The following RIC1 variants were observed in gnomAD, a reference collection of about 807,000 sequenced individuals.
RIC1 encodes RIC1 partner of RAB6A GEF complex.
In RIC1, 88 loss-of-function variants were observed where a neutral mutation model predicts 169.0. The ratio of observed to expected loss-of-function variants is 0.52; its 90% confidence interval spans 0.44 to 0.62. The LOEUF (loss-of-function observed/expected upper bound fraction) is 0.62, where lower values mean the gene tolerates loss of function less well. Ranked by LOEUF, RIC1 falls within the 20% of genes least tolerant of loss-of-function variation. The probability of loss-of-function intolerance (pLI) is 0.00; values close to 1 mark genes in which losing one functional copy is unlikely to be tolerated. For synonymous variants in RIC1, 790 were observed against 601.5 expected, an observed-to-expected ratio of 1.31 and a Z score of -4.59; for missense variants, 1,877 against 1,725.5, an observed-to-expected ratio of 1.09 and a Z score of -1.56.
intron 6 of RIC1, among the ~76,000 whole-genome samples, chr9:5,725,445 TCTTTA>T (rs1352162491): frequency 6.6e-6 from 1 of 152,230 alleles, no homozygotes; most frequent in Non-Finnish European, 1.5e-5. Context: ...GATTCTTCTC[TCTTTA>T]CTTCTTCATT....
chr9:5,664,689 G>T (rs369546438), intron 2 of RIC1, among the ~76,000 whole-genome samples: 97 of 152,276 alleles, frequency 6.4e-4, no homozygotes, highest in African/African-American at 2.2e-3. Flanking sequence ...TCTCCTGGAT[G>T]ATATCCTGAA....
intron 17 of RIC1, among the ~76,000 whole-genome samples, chr9:5,757,920 G>C (rs566273013): frequency 6.6e-6 from 1 of 152,300 alleles, no homozygotes; most frequent in Admixed American, 6.5e-5. Context: ...GAGGATATGA[G>C]TCTTGTAGAT....
At chr9:5,669,586 A>G (rs1819972590) in intron 2 of RIC1, among the ~76,000 whole-genome samples, 1 of 152,194 alleles carries the variant, frequency 6.6e-6, no homozygotes, top group African/African-American at 2.4e-5. Flanking sequence ...AATTCAGCAG[A>G]TGTCTTGAGG....
intron 23 of RIC1, 28 bp from the exon 24 acceptor site, chr9:5,772,536 G>A (rs769143055): frequency 8.4e-6 from 13 of 1,542,236 alleles, no homozygotes; most frequent in South Asian, 2.5e-5. Flanking sequence ...CACGAAGTTG[G>A]TTGTAACTTT....
chr9:5,736,967 T>C (rs1824750010), intron 7 of RIC1, among the ~76,000 whole-genome samples: 1 of 139,554 alleles, frequency 7.2e-6, no homozygotes, highest in African/African-American at 2.7e-5. Flanking sequence ...AGAAACCATC[T>C]GATTTCTCCT....
chr9:5,651,242 A>C (rs1443209666), intron 1 of RIC1, among the ~76,000 whole-genome samples: 3 of 152,192 alleles, frequency 2.0e-5, no homozygotes, highest in African/African-American at 7.2e-5. Flanking sequence ...AAGGCCAAGC[A>C]AACAACCTTG....
chr9:5,637,605 C>G (rs1818032060), intron 1 of RIC1, among the ~76,000 whole-genome samples: 1 of 152,170 alleles, frequency 6.6e-6, no homozygotes, highest in Non-Finnish European at 1.5e-5. Context: ...CCTTCCTATC[C>G]CCCCAGTTAC....
intron 8 of RIC1, among the ~76,000 whole-genome samples, chr9:5,740,422 A>G (rs1460115978): frequency 6.6e-6 from 1 of 152,010 alleles, no homozygotes; most frequent in Non-Finnish European, 1.5e-5. Context: ...CAATATCTGT[A>G]TTAGTAAGGT....
chr9:5,639,227 A>G (rs7019690), intron 1 of RIC1, among the ~76,000 whole-genome samples: 21,512 of 152,120 alleles, frequency 0.14, 2,667 homozygotes, highest in African/African-American at 0.33. Context: ...TTATGGTGTA[A>G]TACTTATAGC....
chr9:5,640,665 T>C (rs1421762480), intron 1 of RIC1, among the ~76,000 whole-genome samples: 2 of 152,224 alleles, frequency 1.3e-5, no homozygotes, highest in Non-Finnish European at 2.9e-5. Flanking sequence ...TCTGTGTTTT[T>C]CTGTGTGCTT....
chr9:5,659,586 C>G (rs80119654), intron 2 of RIC1, among the ~76,000 whole-genome samples: 2,358 of 152,168 alleles, frequency 0.015, 64 homozygotes, highest in African/African-American at 0.054. Context: ...TTGGTAGAGA[C>G]TGCATTGAAT....
At chr9:5,669,493 A>C (rs1819967155) in intron 2 of RIC1, among the ~76,000 whole-genome samples, 1 of 152,216 alleles carries the variant, frequency 6.6e-6, no homozygotes, top group Admixed American at 6.5e-5. Context: ...GTAGTATTCG[A>C]TGGTGTATAT....
At chr9:5,661,702 A>G (rs899405679) in intron 2 of RIC1, among the ~76,000 whole-genome samples, 2 of 152,210 alleles carry the variant, frequency 1.3e-5, no homozygotes, top group African/African-American at 4.8e-5. Flanking sequence ...ACTTTGCTGA[A>G]GTTGCTTATC....
chr9:5,744,502 G>A (rs1432062963), intron 10 of RIC1, among the ~76,000 whole-genome samples: 1 of 152,124 alleles, frequency 6.6e-6, no homozygotes, highest in Non-Finnish European at 1.5e-5. Context: ...GAACTTTTTG[G>A]ATTTTGGAAT....
chr9:5,724,488 AATC>A (rs1823824979), intron 6 of RIC1, among the ~76,000 whole-genome samples: 1 of 152,248 alleles, frequency 6.6e-6, no homozygotes, highest in African/African-American at 2.4e-5. Context: ...CTAGATATAC[AATC>A]ATGTCATCTG....
rs775123494 is a variant in RIC1, at chr9:5,753,496, A to G, written c.1492-40A>G. The G allele has an allele frequency of 1.4e-5, 18 of 1,245,144 alleles. 1 individual carries two copies. The South Asian group carries it at 2.3e-4, about 16-fold the overall frequency. The allele number at this position is 1,245,144 out of a possible 1,614,324, so 77.1% of individuals were successfully genotyped here. A position where few individuals can be genotyped will look rare whatever the true frequency, so the allele number is the denominator to read the frequency against. ...GCTCTTTATGCCTAATAAAGTATAT[A>G]GGTTTGCAAGGAAAAGTTCTTATTT... On this transcript the variant is annotated intron_variant, in intron 13 of 25. Transcript: ENST00000414202.
chr9:5,725,370 G>A (rs1211414496), intron 6 of RIC1, among the ~76,000 whole-genome samples: 3 of 152,102 alleles, frequency 2.0e-5, no homozygotes, highest in Non-Finnish European at 2.9e-5. Context: ...ATTCTCTGAT[G>A]GTAGTTTGTA....
intron 2 of RIC1, among the ~76,000 whole-genome samples, chr9:5,679,390 G>A (rs1447583689): frequency 2.0e-5 from 3 of 152,160 alleles, no homozygotes; most frequent in South Asian, 2.1e-4. Context: ...GTCATTGGTA[G>A]CTTGATGGGG....
At chr9:5,690,130 G>C in intron 3 of RIC1, 92 bp downstream of exon 3, 1 of 759,076 alleles carries the variant, frequency 1.3e-6, no homozygotes, top group Non-Finnish European at 2.0e-6. Context: ...GTAGTGATTA[G>C]AATAAAACTA....
Sources: allele counts gnomAD v4.1 joint callset (sites outside exome capture counted in the v4.1 genomes callset), GRCh38; gene constraint gnomAD v4.1.1; transcripts MANE v1.5; gene names NCBI Gene and HGNC (gene_info 2026-07-23, HGNC 2026-07-21).